SYN2: variants seen among roughly 807,000 people sequenced by gnomAD.
SYN2 encodes synapsin-2.
Under a neutral mutation model 50.9 loss-of-function variants are expected in SYN2, and 19 were observed. The observed-to-expected ratio is 0.37, with a 90% CI of 0.26 to 0.55. The LOEUF (loss-of-function observed/expected upper bound fraction) is 0.55. Ranked by LOEUF, SYN2 falls within the 20% of genes least tolerant of loss-of-function variation. The pLI, the probability that SYN2 is intolerant of heterozygous loss-of-function variation, is 0.81. For missense variants in SYN2, 587 were observed against 576.4 expected (o/e 1.02, Z -0.19); for synonymous variants, 255 against 224.9 (o/e 1.13, Z -1.20).
intron 1 of SYN2, among the ~76,000 whole-genome samples, chr3:12,045,191 A>AG (rs1201412599): frequency 6.6e-6 from 1 of 152,128 alleles, no homozygotes; most frequent in African/African-American, 2.4e-5. Flanking sequence ...TGATGTTTAA[A>AG]GGGGGGTTTA....
intron 1 of SYN2, among the ~76,000 whole-genome samples, chr3:12,033,778 G>A (rs984179938): frequency 2.6e-5 from 4 of 152,146 alleles, no homozygotes; most frequent in Non-Finnish European, 5.9e-5. Context: ...GTGGCCTTTT[G>A]TGTCCAGCTT....
At chr3:12,120,338 CT>C (rs765991227) in intron 1 of SYN2, among the ~76,000 whole-genome samples, 1 of 152,012 alleles carries the variant, frequency 6.6e-6, no homozygotes, top group Non-Finnish European at 1.5e-5. Flanking sequence ...AACAATGAGT[CT>C]TTTATTTTAT....
intron 1 of SYN2, among the ~76,000 whole-genome samples, chr3:12,095,930 C>A (rs1346116860): frequency 6.6e-6 from 1 of 151,888 alleles, no homozygotes; most frequent in Non-Finnish European, 1.5e-5. Flanking sequence ...TCCCCACTTG[C>A]AGTTCTTATG....
At chr3:12,165,020 C>T (rs1697748534) in intron 7 of SYN2, among the ~76,000 whole-genome samples, 1 of 128,858 alleles carries the variant, frequency 7.8e-6, no homozygotes, top group African/African-American at 2.9e-5. Flanking sequence ...CAGAGTCTCG[C>T]TCTGCCACCA....
At chr3:12,183,748 T>C (rs1311414354) in intron 11 of SYN2, 12 of 1,152,528 alleles carry the variant, frequency 1.0e-5, no homozygotes, top group African/African-American at 1.7e-5. Context: ...GGTGGTTTGA[T>C]AGTGTTTTTA....
chr3:12,033,660 G>A (rs1376075060), intron 1 of SYN2, among the ~76,000 whole-genome samples: 1 of 152,168 alleles, frequency 6.6e-6, no homozygotes, highest in African/African-American at 2.4e-5. Flanking sequence ...CATGTTAGCA[G>A]TATTTCCCAT....
intron 6 of SYN2, 174 bp downstream of exon 6, chr3:12,161,782 C>G (rs1697655026): frequency 3.1e-6 from 3 of 968,716 alleles, no homozygotes; most frequent in Non-Finnish European, 4.6e-6. Flanking sequence ...TTTCAGTAAG[C>G]AGAATGCAAG....
At chr3:12,043,185 G>A (rs1388999417) in intron 1 of SYN2, among the ~76,000 whole-genome samples, 2 of 151,984 alleles carry the variant, frequency 1.3e-5, no homozygotes, top group South Asian at 2.1e-4. Context: ...ACCATGCCCA[G>A]CTAATTTTTA....
At chr3:12,082,748 T>A (rs1695610013) in intron 1 of SYN2, among the ~76,000 whole-genome samples, 1 of 152,192 alleles carries the variant, frequency 6.6e-6, no homozygotes, top group Non-Finnish European at 1.5e-5. Flanking sequence ...TTTTAAAAAC[T>A]GTGTTACTCT....
chr3:12,081,564 A>G (rs545763405), intron 1 of SYN2, among the ~76,000 whole-genome samples: 4 of 152,306 alleles, frequency 2.6e-5, no homozygotes, highest in Admixed American at 2.6e-4. Context: ...GTCCTTTGTA[A>G]TAGACCCAAA....
chr3:12,161,439 G>T, intron 5 of SYN2, 107 bp from the exon 6 acceptor site: 2 of 1,267,456 alleles, frequency 1.6e-6, no homozygotes, highest in South Asian at 2.6e-5. Context: ...GATTGGACTA[G>T]TTCTTTAAAG....
intron 1 of SYN2, among the ~76,000 whole-genome samples, chr3:12,074,011 T>A (rs1695417846): frequency 6.6e-6 from 1 of 152,160 alleles, no homozygotes; most frequent in African/African-American, 2.4e-5. Flanking sequence ...CTTCATATAT[T>A]TAGAAGCTAT....
chr3:12,173,763 A>T (rs1697991245), intron 10 of SYN2, among the ~76,000 whole-genome samples: 1 of 152,076 alleles, frequency 6.6e-6, no homozygotes, highest in Admixed American at 6.6e-5. Flanking sequence ...AAAATACAAA[A>T]ATTAGCTGGG....
intron 1 of SYN2, among the ~76,000 whole-genome samples, chr3:12,077,747 T>C (rs1377912082): frequency 1.3e-5 from 2 of 152,232 alleles, no homozygotes; most frequent in Non-Finnish European, 2.9e-5. Context: ...TGATTTCATG[T>C]CTTTGCTATT....
intron 1 of SYN2, among the ~76,000 whole-genome samples, chr3:12,022,436 T>A (rs1020711623): frequency 2.0e-5 from 3 of 151,928 alleles, no homozygotes; most frequent in African/African-American, 7.3e-5. Flanking sequence ...TGAGACGGAG[T>A]CTTGCTCTTT....
chr3:12,093,083 T>C (rs1454636565), intron 1 of SYN2, among the ~76,000 whole-genome samples: 3 of 152,192 alleles, frequency 2.0e-5, no homozygotes, highest in Non-Finnish European at 4.4e-5. Context: ...ATCAGTAAAA[T>C]AACATGAAAG....
At chr3:12,080,065 T>C (rs1695553457) in intron 1 of SYN2, among the ~76,000 whole-genome samples, 1 of 152,182 alleles carries the variant, frequency 6.6e-6, no homozygotes, top group Non-Finnish European at 1.5e-5. Flanking sequence ...ATCAATTTCT[T>C]CTAGATTTTC....
intron 1 of SYN2, among the ~76,000 whole-genome samples, chr3:12,106,683 G>A (rs1422277931): frequency 6.6e-6 from 1 of 152,116 alleles, no homozygotes; most frequent in Non-Finnish European, 1.5e-5. Context: ...ATCATTGATA[G>A]TATGTCTAAA....
At chr3:12,056,014 G>C (rs1694980649) in intron 1 of SYN2, among the ~76,000 whole-genome samples, 3 of 152,138 alleles carry the variant, frequency 2.0e-5, no homozygotes, top group South Asian at 4.1e-4. Context: ...CGATCTTCCT[G>C]GTGAGAGTGT....
Sources: allele counts gnomAD v4.1 joint callset (sites outside exome capture counted in the v4.1 genomes callset), GRCh38; gene constraint gnomAD v4.1.1; transcripts MANE v1.5; gene names NCBI Gene and HGNC (gene_info 2026-07-23, HGNC 2026-07-21).